DDO: variants seen among roughly 807,000 people sequenced by gnomAD.
The protein encoded by DDO is D-aspartate oxidase, DDO.
Under a neutral mutation model 16.8 loss-of-function variants are expected in DDO, and 16 were observed. That is an observed-to-expected ratio of 0.95 (90% CI 0.65 to 1.45). DDO has a LOEUF of 1.45. DDO is among the 40% of genes most tolerant of loss of function. DDO has a pLI of 0.00. For missense variants in DDO, 429 were observed against 420.3 expected, an observed-to-expected ratio of 1.02 and a Z score of -0.18; for synonymous variants, 180 against 167.2, an observed-to-expected ratio of 1.08 and a Z score of -0.59.
chr6:110,388,845 A>G (rs199963391), downstream of DDO: 3 of 971,140 alleles, frequency 3.1e-6, no homozygotes, highest in East Asian at 3.4e-4. Flanking sequence ...GAAATAGAAA[A>G]CAAGAAAGAA....
At chr6:110,404,537 C>T (rs920212644) in intron 4 of DDO, among the ~76,000 whole-genome samples, 5 of 152,108 alleles carry the variant, frequency 3.3e-5, no homozygotes, top group Non-Finnish European at 1.5e-5. Context: ...AGTCAGGCAT[C>T]GAAGTGCACA....
At chr6:110,402,638 CACA>C (rs1364974747) in intron 4 of DDO, among the ~76,000 whole-genome samples, 3 of 152,094 alleles carry the variant, frequency 2.0e-5, no homozygotes, top group African/African-American at 7.2e-5. Flanking sequence ...CAGCCTGAGC[CACA>C]AGAGGAAAAC....
At chr6:110,414,788 C>T (rs970120258) in intron 1 of DDO, among the ~76,000 whole-genome samples, 3 of 152,254 alleles carry the variant, frequency 2.0e-5, no homozygotes, top group African/African-American at 7.2e-5. Flanking sequence ...CATAGTTGCC[C>T]TTCTCTGTCC....
At chr6:110,401,831 A>G (rs949669841) in intron 4 of DDO, among the ~76,000 whole-genome samples, 1 of 152,256 alleles carries the variant, frequency 6.6e-6, no homozygotes, top group Non-Finnish European at 1.5e-5. Context: ...TTTCAGGTAT[A>G]TCACAACAAA....
At chr6:110,403,154 G>A (rs1773536240) in intron 4 of DDO, among the ~76,000 whole-genome samples, 1 of 152,088 alleles carries the variant, frequency 6.6e-6, no homozygotes, top group Non-Finnish European at 1.5e-5. Context: ...GTTATGCATT[G>A]TATTGAAAGG....
intron 2 of DDO, 22 bp downstream of exon 2, chr6:110,413,269 T>C (rs949223204): frequency 1.2e-6 from 2 of 1,611,914 alleles, no homozygotes; most frequent in African/African-American, 1.3e-5. Context: ...TTGTATCTGA[T>C]AGAGGAGCTG....
At chr6:110,395,774 A>G (rs1773269316) in intron 4 of DDO, among the ~76,000 whole-genome samples, 1 of 152,210 alleles carries the variant, frequency 6.6e-6, no homozygotes, top group Non-Finnish European at 1.5e-5. Context: ...GACTCTTTGA[A>G]GTGATTCTAA....
chr6:110,392,906 G>A lies in DDO; in HGVS notation c.895C>T (p.Pro299Ser), dbSNP rs922320408. 1 of 1,614,112 alleles carries A rather than the reference G, an allele frequency of 6.2e-7. No homozygotes were observed. Among genetic ancestry groups the A allele is most frequent in the African/African-American group, 1.3e-5 (1 of 74,932 alleles). ...CCATGGCCATAGTGGTGGACTACAG[G>A]CAGCCTCTGTCCATCTCGCGCAAGG... The part of the protein sequence containing the change: ...ELLARDGQRL[P>S]VVHHYGHGSG... The change falls in exon 5 of 5, where the codon CCT (proline) becomes TCT (serine). Residue 299 changes from proline (P) to serine (S), a missense_variant. Pro to Ser is a moderately conservative substitution (Grantham distance 74). Coordinates refer to ENST00000368924, the MANE Select transcript of DDO (RefSeq NM_001372108.2).
At chr6:110,408,799 T>TGTGGGATC (rs1773749101) in intron 2 of DDO, among the ~76,000 whole-genome samples, 4 of 152,208 alleles carry the variant, frequency 2.6e-5, no homozygotes, top group Admixed American at 2.6e-4. Flanking sequence ...AGAGCTTAGT[T>TGTGGGATC]CATGGCTGTG....
intron 3 of DDO, among the ~76,000 whole-genome samples, chr6:110,406,006 G>T (rs932433564): frequency 6.6e-6 from 1 of 152,164 alleles, no homozygotes; most frequent in Non-Finnish European, 1.5e-5. Context: ...GTATCTCTAG[G>T]TAATTGATTC....
Position 110,392,286 on chromosome 6 carries a change from A to G in DDO, c.*489T>C. On this transcript the variant is annotated 3_prime_UTR_variant, in exon 5 of 5. Coordinates refer to ENST00000368924, the MANE Select transcript of DDO (RefSeq NM_001372108.2). Reference sequence around the variant, plus strand: ...ATTGACAGTGATTTAAATGTTTTCCATACATTATCTCCTCCTGTGGATTTA... The same window carrying G: ...ATTGACAGTGATTTAAATGTTTTCCGTACATTATCTCCTCCTGTGGATTTA... 2 of 985,666 alleles carry G rather than the reference A, an allele frequency of 2.0e-6. No individual in the cohort carries two copies. The highest frequency in any genetic ancestry group is 2.4e-6 in the Non-Finnish European group (2 of 830,082). The allele number at this position is 985,666 out of a possible 1,614,324, so 61.1% of individuals were successfully genotyped here.
Position 110,413,380 on chromosome 6 carries a change from C to A in DDO, c.83G>T (p.Arg28Leu). ...GTCTGAAATGATGGTAACGGAGCAT[C>A]GGGGCACCAGTTTGGAGATGCACAC... Reference protein sequence around the residue: ...TAVCISKLVPRCSVTIISDKF... With the variant: ...TAVCISKLVPLCSVTIISDKF... Residue 28 changes from arginine (R) to leucine (L), a missense_variant, in exon 2 of 5, where the codon CGA becomes CTA. Coordinates refer to ENST00000368924, the MANE Select transcript of DDO (RefSeq NM_001372108.2). The A allele has an allele frequency of 6.2e-7, 1 of 1,614,102 alleles. No homozygotes were observed.
intron 2 of DDO, among the ~76,000 whole-genome samples, chr6:110,408,771 T>C (rs1275893060): frequency 6.6e-6 from 1 of 152,124 alleles, no homozygotes; most frequent in Non-Finnish European, 1.5e-5. Context: ...CCTTGGCAGG[T>C]CTATAACCAA....
rs1006787166 is a variant in DDO at position 110,413,832 on chromosome 6, G to A, written c.-4-366C>T. ...TCTGTTGCCCAGCCTGGAGTACAGCGACGAGATCTCGGCTCACTGCAACCT... is the reference window on the plus strand; with the variant it reads ...TCTGTTGCCCAGCCTGGAGTACAGCAACGAGATCTCGGCTCACTGCAACCT... On this transcript the variant is annotated intron_variant, in intron 1 of 4. Coordinates refer to ENST00000368924, the MANE Select transcript of DDO (RefSeq NM_001372108.2). Among the ~76,000 whole-genome samples the A allele has an allele frequency of 1.6e-4, 24 of 152,084 alleles. No individual in the cohort carries two copies. The East Asian group carries it at 3.5e-3, about 22-fold the overall frequency.
Position 110,393,292 on chromosome 6 carries a change from C to T in DDO, c.509G>A (p.Trp170Ter). The T allele has an allele frequency of 6.2e-7, 1 of 1,612,290 alleles. No individual in the cohort carries two copies. The highest frequency in any genetic ancestry group is 8.5e-7 in the Non-Finnish European group (1 of 1,178,574). Residue 170 changes from tryptophan (W) to a stop codon, truncating the protein, a stop_gained, in exon 5 of 5, where the codon TGG becomes TAG. Transcript: ENST00000368924. LOFTEE classifies it low-confidence loss of function (END_TRUNC). ...GATGTCAAAGGACGGATGAAGTTCCCACAGGTCTTCTATTCGCCGAGTGAG... is the reference window on the plus strand; with the variant it reads ...GATGTCAAAGGACGGATGAAGTTCCTACAGGTCTTCTATTCGCCGAGTGAG... ...WTLTRRIEDL[W>*]ELHPSFDIVV...
At chr6:110,415,407 T>C (rs9384742) in intron 1 of DDO, 60 bp downstream of exon 1, 891,869 of 1,601,924 alleles carry the variant, frequency 0.56, 256,198 homozygotes, top group African/African-American at 0.88. Context: ...TCAGACACAC[T>C]CCCAAACTCC....
rs572746235 is a variant in DDO, at chr6:110,408,335, C to G, written c.280G>C (p.Gly94Arg). The change falls in exon 3 of 5, where the codon GGT becomes CGT. Residue 94 changes from glycine to arginine, a missense_variant and splice_region_variant. Coordinates refer to ENST00000368924, the MANE Select transcript of DDO (RefSeq NM_001372108.2). ...ATAACTTCAAATTTCTTCACTTACCCTGATACCAAATGAACACCAGCATCT... is the reference window on the plus strand; with the variant it reads ...ATAACTTCAAATTTCTTCACTTACCGTGATACCAAATGAACACCAGCATCT... Reference protein sequence around the residue: ...AGDAGVHLVSGWQIFQSTPTE... With the variant: ...AGDAGVHLVSRWQIFQSTPTE... 8 of 1,613,736 alleles carry G rather than the reference C, an allele frequency of 5.0e-6. 1 individual carries two copies. The Admixed American group carries it at 1.2e-4, about 24-fold the overall frequency.
rs1215042197 is a variant in DDO at position 110,392,327 on chromosome 6, C to T, written c.*448G>A. 1.4e-5 allele frequency: 14 copies of T among 986,332 alleles called. 1 individual carries two copies. The South Asian group carries it at 6.1e-4, about 43-fold the overall frequency. The allele number at this position is 986,332 out of a possible 1,614,324, so 61.1% of individuals were successfully genotyped here. A position where few individuals can be genotyped will look rare whatever the true frequency, so the allele number is the denominator to read the frequency against. The stretch of plus-strand genomic sequence containing the variant: ...TGTGGATTTATAAGCCAAATGATAT[C>T]AAAATCTCTATAGCTTCCAACATTC... On this transcript the variant is annotated 3_prime_UTR_variant, in exon 5 of 5. Transcript: ENST00000368924.
intron 4 of DDO, among the ~76,000 whole-genome samples, chr6:110,394,587 G>T (rs999439612): frequency 4.3e-4 from 65 of 152,372 alleles, no homozygotes; most frequent in African/African-American, 1.5e-3. Flanking sequence ...CCAGAAGGGT[G>T]TGAGTGACAG....
Sources: gnomAD v4.1 joint callset for allele counts (sites outside exome capture counted in the v4.1 genomes callset) on GRCh38, gnomAD v4.1.1 for gene constraint, MANE v1.5 for transcripts, NCBI Gene and HGNC (gene_info 2026-07-23, HGNC 2026-07-21) for gene names.